Variants in C12orf42 observed in about 807,000 individuals in gnomAD.
C12orf42 encodes the protein uncharacterized protein C12orf42.
Under a neutral mutation model 21.6 loss-of-function variants are expected in C12orf42, and 25 were observed. The ratio of observed to expected loss-of-function variants is 1.16; its 90% CI spans 0.84 to 1.62. C12orf42 has a LOEUF of 1.62. Ranked by LOEUF, C12orf42 falls within the 40% of genes most tolerant of loss-of-function variation. The pLI is 0.00. For synonymous variants in C12orf42, 174 were observed against 175.0 expected (o/e 0.99, Z 0.05); for missense variants, 483 against 459.3 (o/e 1.05, Z -0.47).
chr12:103,370,763 A>G (rs1286440706), intron 3 of C12orf42, among the ~76,000 whole-genome samples: 12 of 152,110 alleles, frequency 7.9e-5, no homozygotes, highest in Non-Finnish European at 1.8e-4. Flanking sequence ...AGAATCAGAA[A>G]AAATACCCTA....
chr12:103,437,407 A>G (rs1284398869), intron 2 of C12orf42, among the ~76,000 whole-genome samples: 1 of 151,702 alleles, frequency 6.6e-6, no homozygotes, highest in Non-Finnish European at 1.5e-5. Context: ...CTAAAATCAG[A>G]GCAGAACTGA....
the C12orf42 span, among the ~76,000 whole-genome samples, chr12:103,221,274 T>C: frequency 1.3e-5 from 2 of 152,204 alleles, no homozygotes; most frequent in Non-Finnish European, 2.9e-5. Flanking sequence ...TTAAGTGTTA[T>C]ATTTTGGTCA....
downstream of C12orf42, among the ~76,000 whole-genome samples, chr12:103,266,150 G>A (rs2035159504): frequency 6.6e-6 from 1 of 152,050 alleles, no homozygotes; most frequent in Non-Finnish European, 1.5e-5. Context: ...TTCTTAAAGT[G>A]TATTATTGAA....
intron 2 of C12orf42, among the ~76,000 whole-genome samples, chr12:103,439,465 C>A (rs1427692020): frequency 1.0e-5 from 1 of 99,876 alleles, no homozygotes; most frequent in Admixed American, 1.2e-4. Context: ...TCAGAGTGAA[C>A]AGGCACCCTA....
the C12orf42 span, among the ~76,000 whole-genome samples, chr12:103,542,458 G>GGA: frequency 6.6e-6 from 1 of 152,228 alleles, no homozygotes; most frequent in Non-Finnish European, 1.5e-5. Flanking sequence ...ATCGATGCAG[G>GGA]TTTCAAGGCT....
At chr12:103,554,307 C>A in the C12orf42 span, among the ~76,000 whole-genome samples, 1 of 151,978 alleles carries the variant, frequency 6.6e-6, no homozygotes, top group African/African-American at 2.4e-5. Flanking sequence ...AAACTGAAAA[C>A]CAGGTGGTGG....
the C12orf42 span, among the ~76,000 whole-genome samples, chr12:103,547,189 T>C: frequency 4.6e-5 from 7 of 152,236 alleles, no homozygotes; most frequent in Non-Finnish European, 1.0e-4. Context: ...CCTTCCCATG[T>C]CTAATGAGGT....
At chr12:103,227,432 T>C in the C12orf42 span, among the ~76,000 whole-genome samples, 2 of 148,596 alleles carry the variant, frequency 1.3e-5, no homozygotes, top group South Asian at 2.2e-4. Context: ...GGGGCAGAGA[T>C]AAGAGGTTGG....
upstream of C12orf42, among the ~76,000 whole-genome samples, chr12:103,497,430 T>C (rs1281006476): frequency 6.6e-6 from 1 of 152,198 alleles, no homozygotes; most frequent in Admixed American, 6.5e-5. Flanking sequence ...CTCCTATCTA[T>C]AGATAAGGTA....
chr12:103,160,876 G>C, the C12orf42 span, among the ~76,000 whole-genome samples: 4 of 152,206 alleles, frequency 2.6e-5, no homozygotes, highest in African/African-American at 9.6e-5. Context: ...GGATTTGTGT[G>C]AGTGCCAGCT....
chr12:103,052,747 A>G, the C12orf42 span, among the ~76,000 whole-genome samples: 1 of 152,064 alleles, frequency 6.6e-6, no homozygotes, highest in Non-Finnish European at 1.5e-5. Flanking sequence ...TCATGAAGAT[A>G]TATTCCTGTG....
At chr12:103,175,344 C>CA in the C12orf42 span, among the ~76,000 whole-genome samples, 4 of 152,048 alleles carry the variant, frequency 2.6e-5, no homozygotes, top group Admixed American at 6.6e-5. Flanking sequence ...AAAGTAAAAA[C>CA]AAAATCCATT....
chr12:103,368,647 G>C (rs1013549285), intron 4 of C12orf42, among the ~76,000 whole-genome samples: 2 of 152,024 alleles, frequency 1.3e-5, no homozygotes, highest in Non-Finnish European at 1.5e-5. Context: ...TGAAGACAAC[G>C]GGGAAATTAA....
the C12orf42 span, among the ~76,000 whole-genome samples, chr12:103,051,873 T>C: frequency 6.6e-6 from 1 of 152,210 alleles, no homozygotes; most frequent in Non-Finnish European, 1.5e-5. Context: ...CTCTCCTGTT[T>C]CTTTGTCTTC....
At chr12:103,232,456 C>G in the C12orf42 span, among the ~76,000 whole-genome samples, 1 of 145,734 alleles carries the variant, frequency 6.9e-6, no homozygotes, top group East Asian at 2.2e-4. Context: ...CACCTGTAAT[C>G]CCAGCACTTT....
chr12:103,303,409 A>C (rs1237143732), intron 5 of C12orf42, among the ~76,000 whole-genome samples: 8 of 152,144 alleles, frequency 5.3e-5, no homozygotes, highest in Admixed American at 3.3e-4. Flanking sequence ...TGACCTACAC[A>C]AATTAAAATC....
chr12:103,127,981 G>A, the C12orf42 span, among the ~76,000 whole-genome samples: 1 of 152,124 alleles, frequency 6.6e-6, no homozygotes, highest in South Asian at 2.1e-4. Flanking sequence ...CATTCTTCTT[G>A]CCTCTTAATT....
the C12orf42 span, among the ~76,000 whole-genome samples, chr12:103,530,673 G>T: frequency 6.6e-6 from 1 of 152,168 alleles, no homozygotes; most frequent in African/African-American, 2.4e-5. Flanking sequence ...TTGGTGAGAT[G>T]GGGGAGGTGA....
At chr12:103,063,171 A>G in the C12orf42 span, among the ~76,000 whole-genome samples, 4 of 152,320 alleles carry the variant, frequency 2.6e-5, no homozygotes, top group South Asian at 6.2e-4. Context: ...TGACAAAGTG[A>G]CGAAAGAAAA....
Sources: allele counts gnomAD v4.1 joint callset (sites outside exome capture counted in the v4.1 genomes callset), GRCh38; gene constraint gnomAD v4.1.1; transcripts MANE v1.5; gene names NCBI Gene and HGNC (gene_info 2026-07-23, HGNC 2026-07-21).